ERC2: variants seen among roughly 807,000 people sequenced by gnomAD.
ERC2 encodes the protein ELKS/RAB6-interacting/CAST family member 2, also known as ERC protein 2.
ERC2 carries 42 observed loss-of-function variants against 114.8 expected under a neutral mutation model. That is an observed-to-expected ratio of 0.37 (90% CI 0.29 to 0.47). The LOEUF (loss-of-function observed/expected upper bound fraction) is 0.47. Among genes scored for constraint, ERC2 ranks in the 20% least tolerant of loss-of-function variants. ERC2 has a pLI of 0.99. For missense variants in ERC2, 939 were observed against 1,150.7 expected (o/e 0.82, Z 2.66); for synonymous variants, 454 against 425.5 (o/e 1.07, Z -0.82).
intron 14 of ERC2, among the ~76,000 whole-genome samples, chr3:55,812,049 C>A (rs1032096364): frequency 1.3e-5 from 2 of 152,174 alleles, no homozygotes; most frequent in African/African-American, 4.8e-5. Flanking sequence ...GTATGTTGCT[C>A]CCTTCCCTGT....
At chr3:56,151,914 C>T (rs2081432584) in intron 4 of ERC2, among the ~76,000 whole-genome samples, 1 of 152,166 alleles carries the variant, frequency 6.6e-6, no homozygotes, top group South Asian at 2.1e-4. Context: ...ACATTTTACG[C>T]CCTAATCGCC....
At chr3:56,032,036 C>T (rs1225266420) in intron 7 of ERC2, among the ~76,000 whole-genome samples, 3 of 152,138 alleles carry the variant, frequency 2.0e-5, no homozygotes, top group African/African-American at 7.2e-5. Flanking sequence ...CCAATGAGAA[C>T]TGGTTGTTTA....
intron 13 of ERC2, among the ~76,000 whole-genome samples, chr3:55,932,145 A>T (rs762029069): frequency 1.6e-4 from 24 of 152,210 alleles, no homozygotes; most frequent in Non-Finnish European, 2.9e-4. Context: ...ATCTGCTTGA[A>T]GACAGACAGT....
chr3:56,116,485 C>A (rs1351761697), intron 6 of ERC2, among the ~76,000 whole-genome samples: 2 of 152,164 alleles, frequency 1.3e-5, no homozygotes, highest in African/African-American at 4.8e-5. Flanking sequence ...ACAGAAGGAA[C>A]AGGTGTATGT....
chr3:56,100,306 T>A (rs971172916), intron 6 of ERC2, among the ~76,000 whole-genome samples: 9 of 152,146 alleles, frequency 5.9e-5, no homozygotes, highest in Non-Finnish European at 1.2e-4. Flanking sequence ...TTTTTCCCTC[T>A]CCTGCCAAAA....
chr3:56,213,746 G>A lies in ERC2; in HGVS notation c.1075-40226C>T, dbSNP rs139976933. Among the ~76,000 whole-genome samples the A allele has an allele frequency of 2.6e-3, 397 of 152,258 alleles. 1 individual carries two copies. The highest frequency in any genetic ancestry group is 0.018 in the South Asian group (88 of 4,820). The stretch of plus-strand genomic sequence containing the variant: ...AGTGGGTCCCTGACTCCCGAGTAGC[G>A]TAACTGGGAGGCACCCCCCAGTAGG... On this transcript the variant is annotated intron_variant, in intron 3 of 17. Transcript: ENST00000288221.
At chr3:56,448,845 G>T (rs2062701215) in intron 1 of ERC2, among the ~76,000 whole-genome samples, 1 of 152,132 alleles carries the variant, frequency 6.6e-6, no homozygotes, top group Non-Finnish European at 1.5e-5. Flanking sequence ...GGAGGCCAAG[G>T]CAGGTGGATC....
intron 15 of ERC2, among the ~76,000 whole-genome samples, chr3:55,711,427 G>T (rs1360337619): frequency 6.6e-6 from 1 of 152,170 alleles, no homozygotes; most frequent in Non-Finnish European, 1.5e-5. Flanking sequence ...CTTAATGCAA[G>T]CACAGACACA....
chr3:56,029,590 C>G (rs1214529256), intron 7 of ERC2, among the ~76,000 whole-genome samples: 4 of 152,026 alleles, frequency 2.6e-5, no homozygotes, highest in African/African-American at 9.7e-5. Flanking sequence ...TCCATTTCTA[C>G]TAAACTGTCA....
At chr3:56,458,387 A>G (rs1344243422) in intron 1 of ERC2, among the ~76,000 whole-genome samples, 2 of 152,244 alleles carry the variant, frequency 1.3e-5, no homozygotes, top group Admixed American at 6.5e-5. Context: ...ATGTCTCTGT[A>G]TCCAAAAGAA....
chr3:55,638,373 C>T (rs919993579), intron 17 of ERC2, among the ~76,000 whole-genome samples: 19 of 152,180 alleles, frequency 1.2e-4, no homozygotes, highest in African/African-American at 4.6e-4. Flanking sequence ...TTGGTGCAAG[C>T]ACAAGGAGCT....
intron 14 of ERC2, among the ~76,000 whole-genome samples, chr3:55,773,454 T>A (rs931919711): frequency 6.6e-6 from 1 of 152,260 alleles, no homozygotes; most frequent in African/African-American, 2.4e-5. Flanking sequence ...TTAACACTTA[T>A]CACTATCAAA....
At chr3:55,623,497 C>G (rs1273031175) in intron 17 of ERC2, among the ~76,000 whole-genome samples, 1 of 152,210 alleles carries the variant, frequency 6.6e-6, no homozygotes. Context: ...TCTTCGCCCT[C>G]TTGCTTCTAG....
chr3:55,772,291 C>T (rs2068268571), intron 14 of ERC2, among the ~76,000 whole-genome samples: 1 of 152,122 alleles, frequency 6.6e-6, no homozygotes, highest in East Asian at 1.9e-4. Flanking sequence ...TGCAGGCATG[C>T]ACCACCACGC....
intron 13 of ERC2, among the ~76,000 whole-genome samples, chr3:55,907,709 T>C (rs974707493): frequency 3.3e-5 from 5 of 152,204 alleles, no homozygotes; most frequent in Middle Eastern, 3.2e-3. Context: ...ACTTACCAGC[T>C]GTGTGACCTT....
At chr3:55,780,213 C>T (rs959225797) in intron 14 of ERC2, among the ~76,000 whole-genome samples, 5 of 151,970 alleles carry the variant, frequency 3.3e-5, no homozygotes, top group Admixed American at 2.0e-4. Context: ...ATACTAAAAC[C>T]GCTATTGTAA....
At chr3:55,955,220 C>T (rs1234595589) in intron 12 of ERC2, 2 of 500,880 alleles carry the variant, frequency 4.0e-6, no homozygotes, top group Non-Finnish European at 8.0e-6. Context: ...GAAATGGGAT[C>T]TTCAATTTAT....
At chr3:55,683,760 T>G in intron 17 of ERC2, 34 bp downstream of exon 17, 1 of 1,567,676 alleles carries the variant, frequency 6.4e-7, no homozygotes, top group East Asian at 2.2e-5. Flanking sequence ...AATGCAATTT[T>G]TTAATAAAAA....
chr3:56,261,838 T>A (rs903230844), intron 3 of ERC2, among the ~76,000 whole-genome samples: 1 of 152,226 alleles, frequency 6.6e-6, no homozygotes, highest in Admixed American at 6.5e-5. Flanking sequence ...CCATTATTTA[T>A]TTTTCCTGAT....
Sources: allele counts gnomAD v4.1 joint callset (sites outside exome capture counted in the v4.1 genomes callset), GRCh38; gene constraint gnomAD v4.1.1; transcripts MANE v1.5; gene names NCBI Gene and HGNC (gene_info 2026-07-23, HGNC 2026-07-21).